ZNF644: variants seen among roughly 807,000 people sequenced by gnomAD.
ZNF644 encodes the protein zinc finger protein 644, also known as zinc finger motif enhancer binding protein 2.
A neutral mutation model predicts 108.0 loss-of-function variants in ZNF644; 20 were observed. That is an observed-to-expected ratio of 0.19 (90% CI 0.13 to 0.27). The LOEUF (loss-of-function observed/expected upper bound fraction) is 0.27, where lower values mean the gene tolerates loss of function less well. Ranked by LOEUF, ZNF644 falls within the 10% of genes least tolerant of loss-of-function variation. ZNF644 has a pLI of 1.00. For missense variants in ZNF644, 1,338 were observed against 1,548.9 expected (o/e 0.86, Z 2.29); for synonymous variants, 542 against 539.1 (o/e 1.01, Z -0.08).
intron 1 of ZNF644, among the ~76,000 whole-genome samples, chr1:90,986,658 T>C (rs1260058375): frequency 6.6e-6 from 1 of 152,046 alleles, no homozygotes; most frequent in African/African-American, 2.4e-5. Context: ...TTTTCAAAAA[T>C]ATTGTAAATA....
chr1:91,020,371 C>T (rs1660796854), intron 1 of ZNF644: 1 of 152,298 alleles, frequency 6.6e-6, no homozygotes, highest in Middle Eastern at 3.4e-3. Flanking sequence ...TAATTGCCAA[C>T]ACAAAACATT....
chr1:90,995,824 T>C (rs935594070), intron 1 of ZNF644, among the ~76,000 whole-genome samples: 8 of 152,144 alleles, frequency 5.3e-5, no homozygotes, highest in Non-Finnish European at 8.8e-5. Flanking sequence ...ACAAGAGTTT[T>C]AAAAGGGGAA....
At chr1:91,008,438 T>C (rs1238369630) in intron 1 of ZNF644, among the ~76,000 whole-genome samples, 2 of 152,114 alleles carry the variant, frequency 1.3e-5, no homozygotes, top group African/African-American at 4.8e-5. Flanking sequence ...TACAAACAAA[T>C]GGAGGTAGGG....
At chr1:90,934,803 T>C (rs954169703) in intron 4 of ZNF644, among the ~76,000 whole-genome samples, 1 of 152,212 alleles carries the variant, frequency 6.6e-6, no homozygotes, top group African/African-American at 2.4e-5. Flanking sequence ...ATCTAATCTA[T>C]AGACTAATGA....
intron 1 of ZNF644, among the ~76,000 whole-genome samples, chr1:90,990,997 T>C (rs1410349689): frequency 6.6e-6 from 1 of 152,152 alleles, no homozygotes; most frequent in East Asian, 1.9e-4. Flanking sequence ...CCTGAGTATA[T>C]ATATGTGTCA....
intron 4 of ZNF644, chr1:90,918,480 A>G: frequency 4.3e-6 from 1 of 231,078 alleles, no homozygotes; most frequent in Non-Finnish European, 8.7e-6. Context: ...GTCAATTATT[A>G]CAATAATGGT....
At chr1:90,968,446 C>T (rs1357924450) in intron 2 of ZNF644, among the ~76,000 whole-genome samples, 1 of 152,108 alleles carries the variant, frequency 6.6e-6, no homozygotes, top group African/African-American at 2.4e-5. Context: ...GGGAGCCTCT[C>T]ATTTTAATGT....
At chr1:90,996,907 A>C (rs1220270560) in intron 1 of ZNF644, among the ~76,000 whole-genome samples, 2 of 152,194 alleles carry the variant, frequency 1.3e-5, no homozygotes, top group Non-Finnish European at 2.9e-5. Flanking sequence ...GTCTCCTGGA[A>C]GGCTCTACTC....
chr1:90,975,260 T>A (rs1364785904), intron 2 of ZNF644, among the ~76,000 whole-genome samples: 2 of 152,228 alleles, frequency 1.3e-5, no homozygotes, highest in Non-Finnish European at 2.9e-5. Flanking sequence ...TACTTGATTA[T>A]AATTACATAT....
rs1264938522 is a variant in ZNF644, at chr1:90,941,184, T to C, written c.170A>G (p.His57Arg). Residue 57 changes from histidine to arginine, a missense_variant, in exon 3 of 6, where the codon CAT (histidine) becomes CGT (arginine). Physicochemically the swap from His to Arg is conservative, Grantham distance 29 (BLOSUM62 0). Coordinates refer to ENST00000337393, the MANE Select transcript of ZNF644 (RefSeq NM_201269.3). ...TGATGTTTGACAATCTTTTGGCTTATGAACTCCGCTCTCTTTGTCTGAGAT... is the reference window on the plus strand; with the variant it reads ...TGATGTTTGACAATCTTTTGGCTTACGAACTCCGCTCTCTTTGTCTGAGAT... Reference protein sequence around the residue: ...NFISDKESGVHKPKDCQTSFQ... With the variant: ...NFISDKESGVRKPKDCQTSFQ... 5 of 1,612,414 alleles carry C rather than the reference T, an allele frequency of 3.1e-6. No homozygotes were observed. The highest frequency in any genetic ancestry group is 4.5e-5 in the East Asian group (2 of 44,888).
Position 90,939,545 on chromosome 1 carries a change from C to T in ZNF644, c.1809G>A (p.Lys603=), listed in dbSNP as rs533587816. The change falls in exon 3 of 6, where the codon AAG becomes AAA. Residue 603 remains lysine, a synonymous_variant. Coordinates refer to ENST00000337393, the MANE Select transcript of ZNF644 (RefSeq NM_201269.3). ...FTTSAKSVLK[K]HTEYLHSSSC... ...ATGATGAATGCAAGTACTCCGTGTG[C>T]TTTTTTAAAACACTTTTGGCTGAAG... 6.0e-5 allele frequency: 97 copies of T among 1,613,918 alleles called. No homozygotes were observed. The South Asian group carries it at 9.6e-4, about 16-fold the overall frequency.
chr1:90,959,582 G>A (rs926563350), intron 2 of ZNF644, among the ~76,000 whole-genome samples: 2 of 152,078 alleles, frequency 1.3e-5, no homozygotes, highest in African/African-American at 4.8e-5. Flanking sequence ...TGAAGCACAT[G>A]CTACAACTTG....
rs1359469560 is a variant in ZNF644 at position 90,940,915 on chromosome 1, G to A, written c.439C>T (p.Pro147Ser). 16 of 1,614,068 alleles carry A rather than the reference G, an allele frequency of 9.9e-6. 1 individual carries two copies. In the Middle Eastern group the frequency reaches 9.9e-4, roughly 100 times the overall value. Residue 147 changes from proline (P) to serine (S), a missense_variant, in exon 3 of 6, where the codon CCA (proline) becomes TCA (serine). Pro to Ser is a moderately conservative substitution (Grantham distance 74, BLOSUM62 -1). Around this residue, in one of 6 missense-constraint regions of ZNF644, gnomAD observed 464 missense variants for 457.9 expected, o/e 1.01. Transcript: ENST00000337393. ...SLTTGQPVDQPTTESCSTLKV... is the reference protein window; with the variant it reads ...SLTTGQPVDQSTTESCSTLKV... ...AAAGTTGAACAAGATTCTGTTGTTGGCTGATCCACAGGCTGTCCAGTGGTT... is the reference window on the plus strand; with the variant it reads ...AAAGTTGAACAAGATTCTGTTGTTGACTGATCCACAGGCTGTCCAGTGGTT...
intron 4 of ZNF644, among the ~76,000 whole-genome samples, chr1:90,935,865 A>T (rs1306655240): frequency 6.6e-6 from 1 of 152,200 alleles, no homozygotes; most frequent in African/African-American, 2.4e-5. Context: ...TTTGAACAAC[A>T]CGGTTCTGTT....
Position 90,937,650 on chromosome 1 carries a change from G to A in ZNF644, c.3523C>T (p.Leu1175Phe). The part of the protein sequence containing the change: ...KNQSLTLIEL[L>F]KNKRMGEERN... ...TCTTCTCCCATCCTTTTATTTTTAA[G>A]AAGTTCTATGAGTGTAAGAGACTGA... Residue 1175 changes from leucine (L) to phenylalanine (F), a missense_variant, in exon 4 of 6, where the codon CTT (leucine) becomes TTT (phenylalanine). By Grantham distance (22) the Leu-to-Phe change is conservative (BLOSUM62 0). Around this residue, in one of 6 missense-constraint regions of ZNF644, gnomAD observed 287 missense variants for 310.9 expected, o/e 0.92. Coordinates refer to ENST00000337393, the MANE Select transcript of ZNF644 (RefSeq NM_201269.3). 1 of 1,613,878 alleles carries A rather than the reference G, an allele frequency of 6.2e-7. No individual in the cohort carries two copies. The highest frequency in any genetic ancestry group is 1.3e-5 in the African/African-American group (1 of 75,030).
intron 4 of ZNF644, among the ~76,000 whole-genome samples, chr1:90,936,424 G>T (rs969589635): frequency 6.6e-6 from 1 of 152,056 alleles, no homozygotes; most frequent in Non-Finnish European, 1.5e-5. Context: ...GAAAAAGCCG[G>T]ATTAAACAGA....
intron 1 of ZNF644, among the ~76,000 whole-genome samples, chr1:91,014,952 T>C (rs985910083): frequency 4.6e-5 from 7 of 152,132 alleles, no homozygotes; most frequent in South Asian, 2.1e-4. Context: ...TTTCCTCACA[T>C]GTAAAGTGGG....
intron 1 of ZNF644, among the ~76,000 whole-genome samples, chr1:90,986,307 G>A (rs1188230878): frequency 1.3e-5 from 2 of 149,634 alleles, no homozygotes; most frequent in Non-Finnish European, 3.0e-5. Context: ...AAACTGTTAA[G>A]GTGAAAAGAA....
At chr1:90,917,232 T>C (rs1221729879) in intron 5 of ZNF644, among the ~76,000 whole-genome samples, 1 of 152,178 alleles carries the variant, frequency 6.6e-6, no homozygotes, top group African/African-American at 2.4e-5. Context: ...AAAATTAACA[T>C]CTACACATCT....
Sources: allele counts gnomAD v4.1 joint callset (sites outside exome capture counted in the v4.1 genomes callset), GRCh38; gene constraint gnomAD v4.1.1; regional missense constraint gnomAD v4.1.1; transcripts MANE v1.5; gene names NCBI Gene and HGNC (gene_info 2026-07-23, HGNC 2026-07-21).